Variants in FASTKD2 observed in about 807,000 individuals in gnomAD.
The protein encoded by FASTKD2 is FAST kinase domain-containing protein 2, mitochondrial.
A neutral mutation model predicts 63.6 loss-of-function variants in FASTKD2; 51 were observed. The ratio of observed to expected loss-of-function variants is 0.80; its 90% CI spans 0.64 to 1.01. The LOEUF (loss-of-function observed/expected upper bound fraction) is 1.01. Among genes scored for constraint, FASTKD2 ranks in the 50% least tolerant of loss-of-function variants. FASTKD2 has a pLI of 0.00. For missense variants in FASTKD2, 786 were observed against 831.1 expected (o/e 0.95, Z 0.67); for synonymous variants, 284 against 293.4 (o/e 0.97, Z 0.33).
intron 11 of FASTKD2, 126 bp downstream of exon 11, chr2:206,790,812 CT>C (rs1392523833): frequency 1.4e-6 from 1 of 718,318 alleles, no homozygotes; most frequent in Non-Finnish European, 2.6e-6. Flanking sequence ...GGAATGAGTG[CT>C]TTAGTTACTG....
chr2:206,791,166 C>T, intron 11 of FASTKD2: 1 of 201,558 alleles, frequency 5.0e-6, no homozygotes, highest in Non-Finnish European at 1.0e-5. Flanking sequence ...CACAGCTTCT[C>T]TTGAACAGCC....
At chr2:206,778,888 T>A (rs900806986) in intron 7 of FASTKD2, among the ~76,000 whole-genome samples, 17 of 152,290 alleles carry the variant, frequency 1.1e-4, no homozygotes, top group African/African-American at 3.9e-4. Context: ...TAATGCCTTA[T>A]GAAACACCCC....
chr2:206,795,966 C>T lies in FASTKD2; in HGVS notation c.*4164C>T, dbSNP rs143507123. 4.0e-3 allele frequency among the ~76,000 whole-genome samples: 615 copies of T among 152,214 alleles called. 3 individuals carry two copies. The highest frequency in any genetic ancestry group is 0.014 in the African/African-American group (577 of 41,522). On this transcript the variant is annotated 3_prime_UTR_variant, in exon 12 of 12. Transcript: ENST00000402774. ...AGTTATGTGATAGTGTTCTGAGAGT[C>T]ATTCCTGGAAGTCAGACTAAAGGCT...
Position 206,788,105 on chromosome 2 carries a change from G to T in FASTKD2, c.1763G>T (p.Gly588Val). The change falls in exon 9 of 12, where the codon GGT becomes GTT. Residue 588 changes from glycine to valine, a missense_variant. Coordinates refer to ENST00000402774, the MANE Select transcript of FASTKD2 (RefSeq NM_001136193.2). ...GAGGTGCTGAGCAGCCTTCTGGGAG[G>T]TGAAGGACACTTCTCAAAGGATGTG... The part of the protein sequence containing the change: ...VAEVLSSLLG[G>V]EGHFSKDVHL... The T allele has an allele frequency of 6.2e-7, 1 of 1,612,896 alleles. No homozygotes were observed. Among genetic ancestry groups the T allele is most frequent in the Non-Finnish European group, 8.5e-7 (1 of 1,179,330 alleles).
Position 206,766,968 on chromosome 2 carries a change from C to T in FASTKD2, c.275C>T (p.Thr92Ile). ...TTTAAATCAGATGTTGGCTTTCAAA[C>T]AAAGGGCATAAGCACTCTAACAGCC... ...FIFKSDVGFQ[T>I]KGISTLTALR... Residue 92 changes from threonine to isoleucine, a missense_variant, in exon 2 of 12, where the codon ACA becomes ATA. By Grantham distance (89) the Thr-to-Ile change is moderately conservative. Transcript: ENST00000402774. The T allele has an allele frequency of 1.2e-6, 2 of 1,608,008 alleles. No individual in the cohort carries two copies. The highest frequency in any genetic ancestry group is 1.7e-6 in the Non-Finnish European group (2 of 1,175,698).
intron 7 of FASTKD2, among the ~76,000 whole-genome samples, chr2:206,781,130 T>C (rs748481524): frequency 6.6e-6 from 1 of 152,100 alleles, no homozygotes; most frequent in Non-Finnish European, 1.5e-5. Context: ...TTTTGGTACT[T>C]TGATTGTGTT....
chr2:206,780,859 C>T (rs1052232655), intron 7 of FASTKD2, among the ~76,000 whole-genome samples: 10 of 152,000 alleles, frequency 6.6e-5, no homozygotes, highest in African/African-American at 1.7e-4. Flanking sequence ...TCAAATTCTC[C>T]GATTCTCTTT....
In FASTKD2 at chr2:206,772,295, C is replaced by CT; in HGVS notation, c.1232dup (p.Asp412ArgfsTer16). 1 of 1,614,004 alleles carries CT rather than the reference C, an allele frequency of 6.2e-7. No homozygotes were observed. The highest frequency in any genetic ancestry group is 8.5e-7 in the Non-Finnish European group (1 of 1,179,902). On this transcript the variant is annotated frameshift_variant, in exon 6 of 12. Transcript: ENST00000402774. LOFTEE classifies it high-confidence loss of function. Reference sequence around the variant, plus strand: ...GGACTTGCAGATTATGTGGCTGCAACTTTCGACATCTGGAAGTTCAGAAAA... The same window carrying CT: ...GGACTTGCAGATTATGTGGCTGCAACTTTTCGACATCTGGAAGTTCAGAAAA...
At position 206,795,156 on chromosome 2, in the gene FASTKD2, G is replaced by A. The variant is rs1037617271; in HGVS notation, c.*3354G>A. Among the ~76,000 whole-genome samples, 2 of 152,214 alleles carry A rather than the reference G, an allele frequency of 1.3e-5. No homozygotes were observed. Among genetic ancestry groups the A allele is most frequent in the Non-Finnish European group, 2.9e-5 (2 of 68,028 alleles). ...GGACCATCAGACTCCACCCTGTTTT[G>A]CGCTGACTTGTAGGGAGACCTAGGT... On this transcript the variant is annotated 3_prime_UTR_variant, in exon 12 of 12. Transcript: ENST00000402774.
intron 7 of FASTKD2, among the ~76,000 whole-genome samples, chr2:206,784,151 G>T (rs1223857723): frequency 6.6e-6 from 1 of 152,192 alleles, no homozygotes; most frequent in African/African-American, 2.4e-5. Flanking sequence ...CAATTGCCTG[G>T]ATTTGGTATT....
chr2:206,781,304 ATTTTTTTTTTTTTT>A (rs71034473), intron 7 of FASTKD2, among the ~76,000 whole-genome samples: 4 of 75,938 alleles, frequency 5.3e-5, no homozygotes, highest in Admixed American at 1.9e-4. Context: ...TTTTTCTATG[ATTTTTTTTTTTTTT>A]TTTTTTTTTT....
At chr2:206,775,350 A>T (rs1689794747) in intron 7 of FASTKD2, among the ~76,000 whole-genome samples, 1 of 150,920 alleles carries the variant, frequency 6.6e-6, no homozygotes, top group Non-Finnish European at 1.5e-5. Context: ...TTTTAGCATC[A>T]GTTGAAATGA....
rs1408112114 is a variant in FASTKD2, at chr2:206,794,428, A to G, written c.*2626A>G. On this transcript the variant is annotated 3_prime_UTR_variant, in exon 12 of 12. Transcript: ENST00000402774. ...AATTTTAATTTTTAGATTTTTAAAGATGGGGCCCTGCTATGTTACCCAGGC... is the reference window on the plus strand; with the variant it reads ...AATTTTAATTTTTAGATTTTTAAAGGTGGGGCCCTGCTATGTTACCCAGGC... Among the ~76,000 whole-genome samples the G allele has an allele frequency of 6.6e-6, 1 of 152,124 alleles. No individual in the cohort carries two copies. Among genetic ancestry groups the G allele is most frequent in the Non-Finnish European group, 1.5e-5 (1 of 68,000 alleles).
intron 1 of FASTKD2, 98 bp downstream of exon 1, chr2:206,765,845 A>G (rs966178781): frequency 5.2e-5 from 8 of 152,588 alleles, no homozygotes; most frequent in South Asian, 2.1e-4. Context: ...GGCTGGTTGT[A>G]TAAGATCTTC....
At chr2:206,783,705 A>C (rs1361149947) in intron 7 of FASTKD2, among the ~76,000 whole-genome samples, 4 of 152,208 alleles carry the variant, frequency 2.6e-5, no homozygotes, top group Admixed American at 2.0e-4. Flanking sequence ...TAACAAAGGT[A>C]ACAAAGGCTG....
At chr2:206,772,540 T>C (rs1041917517) in intron 6 of FASTKD2, among the ~76,000 whole-genome samples, 3 of 152,224 alleles carry the variant, frequency 2.0e-5, no homozygotes, top group African/African-American at 7.2e-5. Context: ...TTAATATTTT[T>C]TGACTGTTTG....
At chr2:206,767,494 C>T (rs749987270) in intron 2 of FASTKD2, 24 bp downstream of exon 2, 1 of 1,574,284 alleles carries the variant, frequency 6.4e-7, no homozygotes, top group South Asian at 1.1e-5. Flanking sequence ...GAGATTTAAA[C>T]ATGCATTTAC....
rs147727753 is a variant in FASTKD2, at chr2:206,766,722, G to C, written c.29G>C (p.Ser10Thr). MLTTLKPFG[S>T]VSVESKMNNK... ...TTGACAACTTTGAAGCCATTTGGAA[G>C]TGTTTCAGTGGAGAGCAAAATGAAT... The change falls in exon 2 of 12, where the codon AGT becomes ACT. Residue 10 changes from serine (S) to threonine (T), a missense_variant. Ser to Thr is a moderately conservative substitution (Grantham distance 58, BLOSUM62 1). Coordinates refer to ENST00000402774, the MANE Select transcript of FASTKD2 (RefSeq NM_001136193.2). 11,121 of 1,614,110 alleles carry C rather than the reference G, an allele frequency of 6.9e-3. 44 individuals are homozygous for C. Among genetic ancestry groups the C allele is most frequent in the Non-Finnish European group, 8.8e-3 (10,344 of 1,179,980 alleles).
intron 2 of FASTKD2, 78 bp downstream of exon 2, chr2:206,767,548 A>C: frequency 2.7e-6 from 3 of 1,111,526 alleles, no homozygotes; most frequent in Non-Finnish European, 4.0e-6. Flanking sequence ...ATAGATATGT[A>C]GCCTTCTTAA....
Sources: allele counts gnomAD v4.1 joint callset (sites outside exome capture counted in the v4.1 genomes callset), GRCh38; gene constraint gnomAD v4.1.1; transcripts MANE v1.5; gene names NCBI Gene and HGNC (gene_info 2026-07-23, HGNC 2026-07-21).